The following CAMTA1 variants were observed in gnomAD, a reference collection of about 807,000 sequenced individuals.
CAMTA1 encodes calmodulin binding transcription activator 1.
Under a neutral mutation model 170.9 loss-of-function variants are expected in CAMTA1, and 27 were observed. The ratio of observed to expected loss-of-function variants is 0.16; its 90% CI spans 0.12 to 0.22. The LOEUF (loss-of-function observed/expected upper bound fraction) is 0.22, where lower values mean the gene tolerates loss of function less well. CAMTA1 is among the 10% of genes least tolerant of loss of function. The probability of loss-of-function intolerance (pLI) is 1.00; values close to 1 mark genes in which losing one functional copy is unlikely to be tolerated. For synonymous variants in CAMTA1, 833 were observed against 891.5 expected (o/e 0.93, Z 1.17); for missense variants, 1,619 against 2,217.2 (o/e 0.73, Z 5.42).
chr1:6,920,519 C>G (rs890003407), intron 3 of CAMTA1, among the ~76,000 whole-genome samples: 2 of 152,234 alleles, frequency 1.3e-5, no homozygotes, highest in Non-Finnish European at 2.9e-5. Context: ...CCTCTTCTCA[C>G]AGCTCTACTA....
At chr1:7,270,390 G>A (rs1296512822) in intron 5 of CAMTA1, among the ~76,000 whole-genome samples, 2 of 150,118 alleles carry the variant, frequency 1.3e-5, no homozygotes, top group Non-Finnish European at 3.0e-5. Flanking sequence ...TGCCTCCCAG[G>A]TTCAAGCGAT....
chr1:6,926,444 CTT>C (rs1217531409), intron 3 of CAMTA1, among the ~76,000 whole-genome samples: 1 of 51,870 alleles, frequency 1.9e-5, no homozygotes, highest in Non-Finnish European at 3.8e-5. Context: ...TTTTCTCTTT[CTT>C]TCTTTCTTTC....
intron 5 of CAMTA1, among the ~76,000 whole-genome samples, chr1:7,252,933 C>T (rs1030241764): frequency 1.3e-5 from 2 of 152,170 alleles, no homozygotes; most frequent in Admixed American, 1.3e-4. Flanking sequence ...CTACACACGG[C>T]AATTCAAAGG....
At chr1:6,842,152 C>T (rs561007489) in intron 3 of CAMTA1, among the ~76,000 whole-genome samples, 9 of 152,178 alleles carry the variant, frequency 5.9e-5, no homozygotes, top group Non-Finnish European at 7.3e-5. Context: ...TACTTTGTTA[C>T]GTTTTAATAA....
intron 6 of CAMTA1, among the ~76,000 whole-genome samples, chr1:7,545,712 A>G (rs1557891491): frequency 6.6e-6 from 1 of 151,676 alleles, no homozygotes; most frequent in East Asian, 1.9e-4. Context: ...ACATGTTAGG[A>G]TGTACCCTGG....
chr1:7,646,240 GGCCCT>G (rs1200293842), intron 7 of CAMTA1, among the ~76,000 whole-genome samples: 5 of 150,360 alleles, frequency 3.3e-5, no homozygotes, highest in Admixed American at 6.6e-5. Context: ...GTTGGGTGGA[GGCCCT>G]GCCCTGGTGA....
intron 6 of CAMTA1, among the ~76,000 whole-genome samples, chr1:7,528,077 AG>A (rs2150024015): frequency 6.6e-6 from 1 of 152,308 alleles, no homozygotes; most frequent in African/African-American, 2.4e-5. Context: ...GCCCAGACAA[AG>A]GTGCCTGTGG....
intron 3 of CAMTA1, among the ~76,000 whole-genome samples, chr1:6,928,939 C>T (rs1360256766): frequency 4.6e-5 from 7 of 152,176 alleles, no homozygotes; most frequent in Admixed American, 3.9e-4. Flanking sequence ...TAGTCCTGTG[C>T]CTGGCCCATC....
Position 7,634,238 on chromosome 1 carries a change from G to T in CAMTA1, c.511-6162G>T, listed in dbSNP as rs532010253. On this transcript the variant is annotated intron_variant, in intron 6 of 22. Coordinates refer to ENST00000303635, the MANE Select transcript of CAMTA1 (RefSeq NM_015215.4). This position sits in a 1 kb window ranked among gnomAD's most constrained non-coding sequence, Gnocchi z 6.2. ...GATCAGACTTGGTCATTGCAGGCAG[G>T]GGGTATATGGGAGGATTAGGCTTCC... Among the ~76,000 whole-genome samples the T allele has an allele frequency of 2.0e-5, 3 of 152,176 alleles. No homozygotes were observed. Among genetic ancestry groups the T allele is most frequent in the South Asian group, 2.1e-4 (1 of 4,828 alleles).
intron 3 of CAMTA1, among the ~76,000 whole-genome samples, chr1:7,048,194 A>G (rs1705719716): frequency 6.6e-6 from 1 of 152,028 alleles, no homozygotes; most frequent in South Asian, 2.1e-4. Context: ...CTGGCCCTAG[A>G]GCTGTGCTTT....
At chr1:7,380,764 CA>C (rs1245002014) in intron 5 of CAMTA1, among the ~76,000 whole-genome samples, 1 of 152,164 alleles carries the variant, frequency 6.6e-6, no homozygotes. Context: ...TGATGCCAGG[CA>C]GGGTTAGGCA....
intron 4 of CAMTA1, among the ~76,000 whole-genome samples, chr1:7,191,170 C>T (rs1353957945): frequency 6.6e-6 from 1 of 152,172 alleles, no homozygotes. Context: ...AGCTTGTCAG[C>T]CATCTCTATC....
intron 1 of CAMTA1, among the ~76,000 whole-genome samples, chr1:6,796,284 C>T (rs1435048468): frequency 6.6e-6 from 1 of 151,732 alleles, no homozygotes; most frequent in African/African-American, 2.4e-5. Context: ...ACTACAGGCA[C>T]GCGCCACCAT....
chr1:7,340,651 T>C (rs1399556225), intron 5 of CAMTA1, among the ~76,000 whole-genome samples: 1 of 150,308 alleles, frequency 6.7e-6, no homozygotes, highest in Non-Finnish European at 1.5e-5. Context: ...TGAAGATAGA[T>C]GAATCCATCT....
chr1:7,284,459 C>T (rs1672066839), intron 5 of CAMTA1, among the ~76,000 whole-genome samples: 1 of 152,110 alleles, frequency 6.6e-6, no homozygotes, highest in African/African-American at 2.4e-5. Flanking sequence ...GCCTTGGCCT[C>T]CCAAAGTGCT....
intron 5 of CAMTA1, among the ~76,000 whole-genome samples, chr1:7,284,604 G>C (rs944960951): frequency 1.3e-5 from 2 of 152,192 alleles, no homozygotes; most frequent in Non-Finnish European, 2.9e-5. Context: ...TAACTGCAGA[G>C]TAAGTCCTTC....
chr1:7,089,294 G>A (rs530129958), intron 3 of CAMTA1, among the ~76,000 whole-genome samples: 6 of 152,144 alleles, frequency 3.9e-5, no homozygotes, highest in Non-Finnish European at 7.4e-5. Flanking sequence ...ATAAGAGGCC[G>A]TGCTGGTACC....
intron 22 of CAMTA1, among the ~76,000 whole-genome samples, chr1:7,764,793 C>T (rs199964246): frequency 6.6e-6 from 1 of 152,044 alleles, no homozygotes; most frequent in Non-Finnish European, 1.5e-5. Flanking sequence ...AACATCATCT[C>T]TACTAAAAAT....
intron 4 of CAMTA1, among the ~76,000 whole-genome samples, chr1:7,140,772 C>G (rs1433001264): frequency 6.6e-6 from 1 of 152,168 alleles, no homozygotes; most frequent in Non-Finnish European, 1.5e-5. Flanking sequence ...CATGTAGAAT[C>G]TAGTGGGTAG....
Sources: gnomAD v4.1 joint callset for allele counts (sites outside exome capture counted in the v4.1 genomes callset) on GRCh38, gnomAD v4.1.1 for gene constraint, Gnocchi (gnomAD v3.1) non-coding constraint, MANE v1.5 for transcripts, NCBI Gene and HGNC (gene_info 2026-07-23, HGNC 2026-07-21) for gene names.